Variants in ALPK2 observed in about 807,000 individuals in gnomAD.
ALPK2 encodes alpha kinase 2.
Under a neutral mutation model 163.1 loss-of-function variants are expected in ALPK2, and 127 were observed. That is an observed-to-expected ratio of 0.78 (90% CI 0.67 to 0.90). ALPK2 has a LOEUF of 0.90. ALPK2 is among the 40% of genes least tolerant of loss of function. ALPK2 has a pLI of 0.00. For missense variants in ALPK2, 2,360 were observed against 2,589.6 expected (o/e 0.91, Z 1.92); for synonymous variants, 953 against 959.1 (o/e 0.99, Z 0.12).
At position 58,535,801 on chromosome 18, in the gene ALPK2, C is replaced by G. The variant is rs780703449; in HGVS notation, c.4386G>C (p.Leu1462=). 6.2e-7 allele frequency: 1 copy of G among 1,614,232 alleles called. No homozygotes were observed. The highest frequency in any genetic ancestry group is 1.1e-5 in the South Asian group (1 of 91,084). Residue 1462 remains leucine, a synonymous_variant, in exon 5 of 13, where the codon CTG becomes CTC. Transcript: ENST00000361673. ...GGCTTCTGCTGATTCTATTTTCACT[C>G]AGAATGGTTCCCTGGAGACATGGAA... ...LQVPCLQGTI[L]SENRISRSQE...
At chr18:58,599,372 C>T (rs965882606) in intron 3 of ALPK2, among the ~76,000 whole-genome samples, 2 of 152,190 alleles carry the variant, frequency 1.3e-5, no homozygotes, top group Admixed American at 6.5e-5. Context: ...GCCACGGGAA[C>T]CTGCCTCAGC....
Position 58,536,671 on chromosome 18 carries a change from C to T in ALPK2, c.3516G>A (p.Thr1172=), listed in dbSNP as rs769676581. The T allele has an allele frequency of 1.6e-5, 26 of 1,614,114 alleles. No homozygotes were observed. Among genetic ancestry groups the T allele is most frequent in the Middle Eastern group, 1.6e-4 (1 of 6,062 alleles). Residue 1172 remains threonine, a synonymous_variant, in exon 5 of 13, where the codon ACG becomes ACA. Coordinates refer to ENST00000361673, the MANE Select transcript of ALPK2 (RefSeq NM_052947.4). The stretch of plus-strand genomic sequence containing the variant: ...CCCTAGAGCTTGCGGGTGAGTGGGC[C>T]GTGGGCACCAAGTTTCTTTCCTCTT... ...AAQEERNLVP[T]AHSPASSREG... is the part of the protein sequence containing the mutation.
At position 58,506,700 on chromosome 18, in the gene ALPK2, C is replaced by T. The variant is rs2051463532; in HGVS notation, c.6030-2552G>A. 2.0e-5 allele frequency among the ~76,000 whole-genome samples: 3 copies of T among 152,004 alleles called. No homozygotes were observed. The South Asian group carries it at 6.2e-4, about 32-fold the overall frequency. ...CTCCTGGCTCAAAATAAGTGTTTGG[C>T]AAAATATGAATGAATGAATGAATGA... is the stretch of plus-strand genomic sequence containing the variant. On this transcript the variant is annotated intron_variant, in intron 10 of 12. Coordinates refer to ENST00000361673, the MANE Select transcript of ALPK2 (RefSeq NM_052947.4).
chr18:58,491,532 G>C (rs1473810989), intron 12 of ALPK2, among the ~76,000 whole-genome samples: 1 of 152,026 alleles, frequency 6.6e-6, no homozygotes, highest in East Asian at 1.9e-4. Flanking sequence ...CAATAAACTG[G>C]CTCATTTAGT....
intron 2 of ALPK2, among the ~76,000 whole-genome samples, chr18:58,607,670 G>A (rs537720749): frequency 1.3e-5 from 2 of 152,120 alleles, no homozygotes; most frequent in Admixed American, 1.3e-4. Flanking sequence ...GCTGATGGGT[G>A]GCATACAAAA....
chr18:58,515,854 T>C (rs1022210459), intron 9 of ALPK2, among the ~76,000 whole-genome samples: 3 of 152,230 alleles, frequency 2.0e-5, no homozygotes, highest in Non-Finnish European at 2.9e-5. Context: ...GTAAACATTT[T>C]AAAGGGGCAC....
At chr18:58,518,888 C>T (rs1347711492) in intron 8 of ALPK2, among the ~76,000 whole-genome samples, 1 of 152,184 alleles carries the variant, frequency 6.6e-6, no homozygotes, top group Admixed American at 6.5e-5. Flanking sequence ...GGAATTCAAA[C>T]CCCTTCTTAA....
At position 58,481,600 on chromosome 18, in the gene ALPK2, G is replaced by T; in HGVS notation, c.*223C>A. On this transcript the variant is annotated 3_prime_UTR_variant, in exon 13 of 13. Transcript: ENST00000361673. ...GAATGGACTGTCTTTGAGACCAATC[G>T]TTGATTCAATCTCCCCATAAACCTG... is the stretch of plus-strand genomic sequence containing the variant. 2 of 571,566 alleles carry T rather than the reference G, an allele frequency of 3.5e-6. No individual in the cohort carries two copies. The highest frequency in any genetic ancestry group is 2.1e-5 in the South Asian group (1 of 46,964). 35.4% of individuals were successfully genotyped at this position (571,566 alleles called of 1,614,324 possible).
chr18:58,550,173 C>G (rs1218396630), intron 4 of ALPK2, among the ~76,000 whole-genome samples: 1 of 152,036 alleles, frequency 6.6e-6, no homozygotes, highest in Non-Finnish European at 1.5e-5. Context: ...AAATACAAAA[C>G]CTATTTATTT....
chr18:58,555,848 G>A (rs1437023962), intron 4 of ALPK2, among the ~76,000 whole-genome samples: 1 of 152,154 alleles, frequency 6.6e-6, no homozygotes, highest in African/African-American at 2.4e-5. Flanking sequence ...TTGAGACAGA[G>A]TCTTGCTCTG....
At chr18:58,493,147 A>G (rs1043487971) in intron 12 of ALPK2, among the ~76,000 whole-genome samples, 3 of 152,140 alleles carry the variant, frequency 2.0e-5, no homozygotes, top group African/African-American at 7.2e-5. Flanking sequence ...TCTGGGGCAT[A>G]AAATTGCCTT....
At chr18:58,531,098 G>A (rs925904468) in intron 5 of ALPK2, among the ~76,000 whole-genome samples, 5 of 152,172 alleles carry the variant, frequency 3.3e-5, no homozygotes, top group Admixed American at 6.5e-5. Flanking sequence ...AGGAGGCTGA[G>A]GTGGGAGGAT....
At chr18:58,578,683 T>C in intron 4 of ALPK2, 131 bp downstream of exon 4, 3 of 877,096 alleles carry the variant, frequency 3.4e-6, no homozygotes, top group Admixed American at 2.8e-5. Context: ...GGGAAACTTA[T>C]TTTGATTTAC....
At chr18:58,601,622 G>A (rs1215072389) in intron 3 of ALPK2, among the ~76,000 whole-genome samples, 2 of 152,156 alleles carry the variant, frequency 1.3e-5, no homozygotes, top group African/African-American at 2.4e-5. Context: ...TGTCCTCCTG[G>A]GGGATGAGAG....
At chr18:58,495,938 A>G (rs1269274148) in intron 12 of ALPK2, among the ~76,000 whole-genome samples, 1 of 152,192 alleles carries the variant, frequency 6.6e-6, no homozygotes, top group African/African-American at 2.4e-5. Context: ...GGATGCTTGC[A>G]TCTGCAAGGT....
At chr18:58,624,778 A>G (rs2052220748) in intron 1 of ALPK2, among the ~76,000 whole-genome samples, 1 of 152,210 alleles carries the variant, frequency 6.6e-6, no homozygotes, top group Admixed American at 6.5e-5. Context: ...TGTTGCTTCT[A>G]GAAGGCATAC....
rs1360864974 is a variant in ALPK2 at position 58,481,624 on chromosome 18, T to C, written c.*199A>G. 26 of 597,332 alleles carry C rather than the reference T, an allele frequency of 4.4e-5. No individual in the cohort carries two copies. In the East Asian group the frequency reaches 6.2e-4, roughly 14 times the overall value. The allele number at this position is 597,332 out of a possible 1,614,324, so 37.0% of individuals were successfully genotyped here. Reference sequence around the variant, plus strand: ...CGTTGATTCAATCTCCCCATAAACCTGGTCGCAAATCCTGTTCTGAAATCA... The same window carrying C: ...CGTTGATTCAATCTCCCCATAAACCCGGTCGCAAATCCTGTTCTGAAATCA... On this transcript the variant is annotated 3_prime_UTR_variant, in exon 13 of 13. Coordinates refer to ENST00000361673, the MANE Select transcript of ALPK2 (RefSeq NM_052947.4).
chr18:58,573,672 G>A (rs1288173761), intron 4 of ALPK2, among the ~76,000 whole-genome samples: 2 of 126,916 alleles, frequency 1.6e-5, no homozygotes, highest in South Asian at 2.5e-4. Flanking sequence ...GTTTCTCAGA[G>A]AGGGGGATGT....
chr18:58,619,559 T>A (rs73447264), intron 1 of ALPK2, among the ~76,000 whole-genome samples: 2,782 of 152,334 alleles, frequency 0.018, 89 homozygotes, highest in African/African-American at 0.064. Flanking sequence ...TAATATTACA[T>A]ACGTTTCTGT....
Sources: gnomAD v4.1 joint callset for allele counts (sites outside exome capture counted in the v4.1 genomes callset) on GRCh38, gnomAD v4.1.1 for gene constraint, MANE v1.5 for transcripts, NCBI Gene and HGNC (gene_info 2026-07-23, HGNC 2026-07-21) for gene names.